OGDH: variants seen among roughly 807,000 people sequenced by gnomAD.
OGDH encodes oxoglutarate dehydrogenase, also known as 2-oxoglutarate dehydrogenase complex component E1.
OGDH carries 38 observed loss-of-function variants against 116.6 expected under a neutral mutation model. That is an observed-to-expected ratio of 0.33 (90% CI 0.25 to 0.43). OGDH has a LOEUF of 0.43. Ranked by LOEUF, OGDH falls within the 20% of genes least tolerant of loss-of-function variation. The pLI is 1.00. For missense variants in OGDH, 825 were observed against 1,357.2 expected (o/e 0.61, Z 6.16); for synonymous variants, 488 against 533.3 (o/e 0.92, Z 1.17).
At chr7:44,705,051 CTTTTTTT>C (rs777624714) in intron 20 of OGDH, among the ~76,000 whole-genome samples, 6 of 93,924 alleles carry the variant, frequency 6.4e-5, no homozygotes, top group Admixed American at 3.2e-4. Context: ...TTTTAATTTT[CTTTTTTT>C]TTTTTTTTTT....
intron 4 of OGDH, among the ~76,000 whole-genome samples, chr7:44,654,134 C>A (rs1314811034): frequency 6.6e-6 from 1 of 152,230 alleles, no homozygotes; most frequent in Non-Finnish European, 1.5e-5. Context: ...GGATTATAGG[C>A]ATGAGCCACC....
chr7:44,649,937 A>G (rs1786360561), intron 4 of OGDH, among the ~76,000 whole-genome samples: 1 of 152,216 alleles, frequency 6.6e-6, no homozygotes. Flanking sequence ...GGGTGAGAGG[A>G]CAAGAGGACT....
At chr7:44,653,894 G>C (rs953131349) in intron 4 of OGDH, among the ~76,000 whole-genome samples, 1 of 150,980 alleles carries the variant, frequency 6.6e-6, no homozygotes, top group Non-Finnish European at 1.5e-5. Context: ...TCGCTCTGTT[G>C]CCCAGGCTGG....
In OGDH at chr7:44,676,159, A is replaced by G. The variant is rs754858567; in HGVS notation, c.1206+10A>G. ...CACTGAAGGGAAAAAGGTAAGGCCCAGAGAGAGGCGTGCAAGGCAGATCGT... is the reference window on the plus strand; with the variant it reads ...CACTGAAGGGAAAAAGGTAAGGCCCGGAGAGAGGCGTGCAAGGCAGATCGT... On this transcript the variant is annotated intron_variant, in intron 9 of 22. Transcript: ENST00000222673. 17 of 1,614,086 alleles carry G rather than the reference A, an allele frequency of 1.1e-5. 1 individual carries two copies. The South Asian group carries it at 1.5e-4, about 15-fold the overall frequency.
chr7:44,664,754 C>T (rs564997820), intron 4 of OGDH, among the ~76,000 whole-genome samples: 10 of 152,202 alleles, frequency 6.6e-5, no homozygotes, highest in African/African-American at 1.7e-4. Flanking sequence ...ATGTGTACTC[C>T]GCTTTCACAA....
rs377511588 is a variant in OGDH, at chr7:44,694,581, G to A, written c.1668+5G>A. On this transcript the variant is annotated splice_donor_5th_base_variant and intron_variant, in intron 12 of 22. Coordinates refer to ENST00000222673, the MANE Select transcript of OGDH (RefSeq NM_002541.4). The surrounding 1 kb of genome is among the most constrained non-coding windows in gnomAD (Gnocchi z 4.2). ...GTCAACCAGCCTGAGTATGAGGTACGTCCCTGCGGCTCTATCCCAGTGCGC... is the reference window on the plus strand; with the variant it reads ...GTCAACCAGCCTGAGTATGAGGTACATCCCTGCGGCTCTATCCCAGTGCGC... The A allele has an allele frequency of 2.8e-5, 45 of 1,613,804 alleles. No individual in the cohort carries two copies. Among genetic ancestry groups the A allele is most frequent in the African/African-American group, 2.7e-4 (20 of 74,918 alleles).
rs59695480 is a variant in OGDH at position 44,699,425 on chromosome 7, CAAAAAAAAAA to C, written c.2431-701_2431-692del. On this transcript the variant is annotated intron_variant, in intron 18 of 22. Coordinates refer to ENST00000222673, the MANE Select transcript of OGDH (RefSeq NM_002541.4). The stretch of plus-strand genomic sequence containing the variant: ...AGGCGACAGAGGGAGACTCCTGTCT[CAAAAAAAAAA>C]AAAAAAAAAAAAAACTCAAAGAAAA... Among the ~76,000 whole-genome samples, 16 of 67,722 alleles carry C rather than the reference CAAAAAAAAAA, an allele frequency of 2.4e-4. No individual in the cohort carries two copies. The South Asian group carries it at 5.1e-3, about 21-fold the overall frequency. 44.4% of individuals were successfully genotyped at this position (67,722 alleles called of 152,430 possible).
chr7:44,685,299 C>G (rs570037220), intron 10 of OGDH, among the ~76,000 whole-genome samples: 2 of 152,154 alleles, frequency 1.3e-5, no homozygotes, highest in Non-Finnish European at 2.9e-5. Flanking sequence ...CCCCTGGCAA[C>G]TATCCACTCT....
At chr7:44,616,854 TATACAC>T (rs1585220318) in intron 1 of OGDH, among the ~76,000 whole-genome samples, 2 of 114,206 alleles carry the variant, frequency 1.8e-5, no homozygotes, top group East Asian at 3.0e-4. Context: ...CGTGTATATA[TATACAC>T]ATATATATAT....
chr7:44,608,891 T>G (rs1177804972), intron 1 of OGDH, among the ~76,000 whole-genome samples: 2 of 152,148 alleles, frequency 1.3e-5, no homozygotes, highest in Non-Finnish European at 2.9e-5. Flanking sequence ...TACAGAGAGA[T>G]CCTGTGTTCC....
chr7:44,706,296 G>C (rs1789066355), intron 20 of OGDH, among the ~76,000 whole-genome samples: 1 of 151,480 alleles, frequency 6.6e-6, no homozygotes, highest in Non-Finnish European at 1.5e-5. Flanking sequence ...AGCAGAAACA[G>C]AGTAAACATG....
At chr7:44,703,590 C>T (rs555549356) in intron 20 of OGDH, among the ~76,000 whole-genome samples, 17 of 150,732 alleles carry the variant, frequency 1.1e-4, no homozygotes, top group African/African-American at 3.2e-4. Context: ...CATGGTGGCG[C>T]GCACCCGTAA....
At chr7:44,610,342 G>A (rs930124617) in intron 1 of OGDH, among the ~76,000 whole-genome samples, 5 of 151,584 alleles carry the variant, frequency 3.3e-5, no homozygotes, top group African/African-American at 4.8e-5. Flanking sequence ...ATGGAGTCTC[G>A]TTCTGTCCCC....
At chr7:44,649,458 C>T (rs922642605) in intron 4 of OGDH, among the ~76,000 whole-genome samples, 1 of 151,876 alleles carries the variant, frequency 6.6e-6, no homozygotes, top group Non-Finnish European at 1.5e-5. Flanking sequence ...CCATGTCGCC[C>T]ACCTCAGCCT....
chr7:44,674,950 T>A (rs955889248), intron 7 of OGDH, among the ~76,000 whole-genome samples: 1 of 152,158 alleles, frequency 6.6e-6, no homozygotes, highest in South Asian at 2.1e-4. Flanking sequence ...CTCAGGCCCA[T>A]GGCATTGCTG....
intron 4 of OGDH, among the ~76,000 whole-genome samples, chr7:44,661,528 T>G (rs921563667): frequency 6.6e-6 from 1 of 152,194 alleles, no homozygotes; most frequent in Non-Finnish European, 1.5e-5. Flanking sequence ...ATTGCTTTGC[T>G]TTCATTTTCC....
intron 10 of OGDH, among the ~76,000 whole-genome samples, chr7:44,683,005 C>T (rs911759130): frequency 2.0e-5 from 3 of 151,574 alleles, no homozygotes; most frequent in African/African-American, 4.8e-5. Flanking sequence ...AAAAATTAGG[C>T]GGGTGTGGTG....
intron 4 of OGDH, chr7:44,656,261 C>T (rs1786685741): frequency 6.6e-7 from 1 of 1,522,474 alleles, no homozygotes; most frequent in Non-Finnish European, 8.8e-7. Context: ...TTTAAACTAA[C>T]TCTCACCTGT....
intron 20 of OGDH, among the ~76,000 whole-genome samples, chr7:44,704,902 G>C (rs554862571): frequency 2.0e-5 from 3 of 151,334 alleles, no homozygotes; most frequent in African/African-American, 4.9e-5. Flanking sequence ...GTATAGACAG[G>C]GTTCCACCAT....
Sources: allele counts gnomAD v4.1 joint callset (sites outside exome capture counted in the v4.1 genomes callset), GRCh38; gene constraint gnomAD v4.1.1; non-coding constraint Gnocchi (gnomAD v3.1); transcripts MANE v1.5; gene names NCBI Gene and HGNC (gene_info 2026-07-23, HGNC 2026-07-21).